Variants in NPRL3 observed in about 807,000 individuals in gnomAD.
The protein encoded by NPRL3 is GATOR1 complex protein NPRL3.
NPRL3 carries 23 observed loss-of-function variants against 57.2 expected under a neutral mutation model. The observed-to-expected ratio is 0.40, with a 90% confidence interval of 0.29 to 0.57. NPRL3 has a LOEUF of 0.57. NPRL3 is among the 20% of genes least tolerant of loss of function. The pLI, the probability that NPRL3 is intolerant of heterozygous loss-of-function variation, is 0.42. For synonymous variants in NPRL3, 333 were observed against 321.1 expected (o/e 1.04, Z -0.39); for missense variants, 691 against 767.1 (o/e 0.90, Z 1.17).
In NPRL3 at chr16:92,650, G is replaced by T; in HGVS notation, c.1107C>A (p.Ser369=). The change falls in exon 11 of 14, where the codon TCC becomes TCA. Residue 369 remains serine (S), a synonymous_variant. Transcript: ENST00000611875. The part of the protein sequence containing the change: ...HDLPSVLAKF[S]LPVSLSEFRN... ...TAAATTCTGACAAGGAGACCGGCAA[G>T]GAGAACTTGGCAAGAACGGACGGCA... 3 of 1,613,844 alleles carry T rather than the reference G, an allele frequency of 1.9e-6. No individual in the cohort carries two copies. The highest frequency in any genetic ancestry group is 1.1e-5 in the South Asian group (1 of 91,034).
intron 11 of NPRL3, 149 bp downstream of exon 11, chr16:92,447 G>T: frequency 1.0e-6 from 1 of 964,832 alleles, no homozygotes; most frequent in Non-Finnish European, 1.5e-6. Context: ...GTCCTGCTGG[G>T]CACGTAGCAC....
chr16:103,924 G>A (rs1440211436), intron 7 of NPRL3, among the ~76,000 whole-genome samples: 1 of 152,212 alleles, frequency 6.6e-6, no homozygotes, highest in African/African-American at 2.4e-5. Flanking sequence ...AGACCAGACT[G>A]ACCAACAGGG....
In NPRL3 at chr16:92,495, G is replaced by A. The variant is rs895841816; in HGVS notation, c.1161+101C>T. 4.3e-5 allele frequency: 60 copies of A among 1,398,612 alleles called. No homozygotes were observed. The African/African-American group carries it at 8.3e-4, about 19-fold the overall frequency. 86.6% of individuals were successfully genotyped at this position (1,398,612 alleles called of 1,614,324 possible). The stretch of plus-strand genomic sequence containing the variant: ...CCCCCAAAACCAAGGAGAAGCAGGT[G>A]GCAGTGCTGAGGGCTCTCAGATCAG... On this transcript the variant is annotated intron_variant, in intron 11 of 13. Transcript: ENST00000611875.
intron 7 of NPRL3, among the ~76,000 whole-genome samples, chr16:105,143 T>G (rs543804619): frequency 3.3e-5 from 5 of 152,286 alleles, no homozygotes; most frequent in Non-Finnish European, 7.4e-5. Context: ...GCCCAGTCTG[T>G]GACAGGAGAT....
In NPRL3 at chr16:85,629, A is replaced by G; in HGVS notation, c.*1076T>C. On this transcript the variant is annotated 3_prime_UTR_variant, in exon 14 of 14. Transcript: ENST00000611875. The stretch of plus-strand genomic sequence containing the variant: ...GTATGGCTGGAGCGTGGTCCCCTGG[A>G]GCCCAGTGAGCCGGCTGTAGTGGCA... The G allele has an allele frequency of 6.3e-7, 1 of 1,596,044 alleles. No homozygotes were observed. Among genetic ancestry groups the G allele is most frequent in the Non-Finnish European group, 8.6e-7 (1 of 1,167,076 alleles).
In NPRL3 at chr16:89,978, C is replaced by T. The variant is rs140009184; in HGVS notation, c.1162-76G>A. The T allele has an allele frequency of 6.4e-5, 86 of 1,338,472 alleles. No individual in the cohort carries two copies. In the East Asian group the frequency reaches 2.3e-3, roughly 35 times the overall value. 82.9% of individuals were successfully genotyped at this position (1,338,472 alleles called of 1,614,324 possible). A position where few individuals can be genotyped will look rare whatever the true frequency, so the allele number is the denominator to read the frequency against. ...CCTGGGTGATCAGGGAGCCATGGCC[C>T]TAGACATGGCCACAGCACGCTCCCT... On this transcript the variant is annotated intron_variant, in intron 11 of 13. Transcript: ENST00000611875.
rs774187145 is a variant in NPRL3 at position 112,704 on chromosome 16, G to A, written c.465C>T (p.His155=). ...LSRRIATVLQ[H]EERRCQYLTR... is the part of the protein sequence containing the mutation. ...TGAGGTACTGGCAGCGGCGCTCCTC[G>A]TGCTGCAGCACGGTGGCGATACGAC... Residue 155 remains histidine (H), a synonymous_variant, in exon 6 of 14, where the codon CAC becomes CAT. Transcript: ENST00000611875. 28 of 1,611,644 alleles carry A rather than the reference G, an allele frequency of 1.7e-5. No individual in the cohort carries two copies. The highest frequency in any genetic ancestry group is 4.4e-5 in the South Asian group (4 of 90,676).
chr16:93,564 GTTTTTTT>G (rs34541011), intron 9 of NPRL3, among the ~76,000 whole-genome samples: 2 of 135,460 alleles, frequency 1.5e-5, no homozygotes, highest in African/African-American at 5.5e-5. Flanking sequence ...GTGAGCAATG[GTTTTTTT>G]TTTTTTTTTT....
In NPRL3 at chr16:89,698, C is replaced by G; in HGVS notation, c.1351+15G>C. 6.5e-7 allele frequency: 1 copy of G among 1,549,284 alleles called. No homozygotes were observed. ...GTCTCCCCTGACTACCACAGCGGTG[C>G]CCTGGGGGTCCTACTTGGGGAGCCA... On this transcript the variant is annotated intron_variant, in intron 12 of 13. Transcript: ENST00000611875.
intron 8 of NPRL3, among the ~76,000 whole-genome samples, chr16:98,932 G>A (rs1899148640): frequency 6.6e-6 from 1 of 152,110 alleles, no homozygotes; most frequent in African/African-American, 2.4e-5. Context: ...GTGAGACTCT[G>A]TCTCAAAAAC....
intron 3 of NPRL3, among the ~76,000 whole-genome samples, chr16:129,645 C>T (rs975049596): frequency 6.6e-6 from 1 of 152,210 alleles, no homozygotes; most frequent in Middle Eastern, 3.2e-3. Flanking sequence ...AGCAAGACCC[C>T]ATCTCTACAA....
intron 8 of NPRL3, 81 bp from the exon 9 acceptor site, chr16:98,382 T>A: frequency 6.8e-7 from 1 of 1,459,900 alleles, no homozygotes; most frequent in East Asian, 2.4e-5. Flanking sequence ...GCACCAGGTA[T>A]GCACCGGGTA....
rs114945711 is a variant in NPRL3, at chr16:98,036, C to T, written c.924+109G>A. On this transcript the variant is annotated intron_variant, in intron 9 of 13. Transcript: ENST00000611875. ...CCCCACCCCATGGTGGGCTGTGCCG[C>T]GGCTCTCAGCTGGACACAGCCCCTG... 810 of 1,367,124 alleles carry T rather than the reference C, an allele frequency of 5.9e-4. 3 individuals carry two copies. The African/African-American group carries it at 0.01, about 17-fold the overall frequency. The allele number at this position is 1,367,124 out of a possible 1,614,324, so 84.7% of individuals were successfully genotyped here. A position where few individuals can be genotyped will look rare whatever the true frequency, so the allele number is the denominator to read the frequency against.
At chr16:97,410 A>ATTTTTTTTTTTTTTTTTTTTTTTTTT (rs34410203) in intron 9 of NPRL3, among the ~76,000 whole-genome samples, 1 of 115,086 alleles carries the variant, frequency 8.7e-6, no homozygotes. Context: ...ACACCCAGCT[A>ATTTTTTTTTTTTTTTTTTTTTTTTTT]TTTTTTTTTT....
intron 2 of NPRL3, among the ~76,000 whole-genome samples, chr16:137,842 G>A (rs1901181178): frequency 1.3e-5 from 2 of 152,026 alleles, no homozygotes; most frequent in Non-Finnish European, 1.5e-5. Context: ...TGGGATTACC[G>A]CCACCGGCCT....
chr16:130,055 C>T (rs1193236198), intron 3 of NPRL3, among the ~76,000 whole-genome samples: 1 of 152,132 alleles, frequency 6.6e-6, no homozygotes, highest in Non-Finnish European at 1.5e-5. Context: ...CAAAGAACAT[C>T]AAGGTTCACA....
At chr16:87,718 C>G (rs77965581) in intron 13 of NPRL3, among the ~76,000 whole-genome samples, 1 of 151,604 alleles carries the variant, frequency 6.6e-6, no homozygotes, top group Non-Finnish European at 1.5e-5. Flanking sequence ...TACAGGCGCC[C>G]GCCACCACAC....
intron 3 of NPRL3, chr16:127,213 CT>C (rs1167567205): frequency 3.2e-5 from 5 of 154,226 alleles, no homozygotes; most frequent in African/African-American, 1.2e-4. Flanking sequence ...AACTAGCCCC[CT>C]CTCTAAGACA....
At chr16:137,300 G>A (rs892217456) in intron 2 of NPRL3, among the ~76,000 whole-genome samples, 1 of 152,198 alleles carries the variant, frequency 6.6e-6, no homozygotes, top group Non-Finnish European at 1.5e-5. Flanking sequence ...CGTCCACAGG[G>A]GAAGGCAGCA....
Sources: gnomAD v4.1 joint callset for allele counts (sites outside exome capture counted in the v4.1 genomes callset) on GRCh38, gnomAD v4.1.1 for gene constraint, MANE v1.5 for transcripts, NCBI Gene and HGNC (gene_info 2026-07-23, HGNC 2026-07-21) for gene names.